The following ARSI variants were observed in gnomAD, a reference collection of about 807,000 sequenced individuals.
ARSI encodes arylsulfatase I.
Under a neutral mutation model 42.1 loss-of-function variants are expected in ARSI, and 37 were observed. That is an observed-to-expected ratio of 0.88 (90% CI 0.68 to 1.16). The LOEUF is 1.16. ARSI is among the 50% of genes most tolerant of loss of function. The pLI, the probability that ARSI is intolerant of heterozygous loss-of-function variation, is 0.00. For synonymous variants in ARSI, 305 were observed against 320.3 expected (o/e 0.95, Z 0.51); for missense variants, 725 against 790.1 (o/e 0.92, Z 0.99).
intron 1 of ARSI, among the ~76,000 whole-genome samples, chr5:150,299,152 C>T (rs1757876725): frequency 6.6e-6 from 1 of 152,196 alleles, no homozygotes; most frequent in African/African-American, 2.4e-5. Context: ...AGCAGTCTGG[C>T]TCCAGACTTC....
Position 150,298,581 on chromosome 5 carries a change from TG to T in ARSI, c.342del (p.Ile115SerfsTer15), listed in dbSNP as rs756394478. Reference protein sequence around the residue: ...RYQIHTGLQHSIIRPQQPNCL... With the variant: ...RYQIHTGLQHXIIRPQQPNCL... ...CAGTTGGGCTGCTGTGGGCGGATGA[TG>T]GAATGCTGGAGTCCTGTGTGGATCT... On this transcript the variant is annotated frameshift_variant, in exon 2 of 2. Transcript: ENST00000328668. LOFTEE classifies it low-confidence loss of function (END_TRUNC). The T allele has an allele frequency of 1.6e-5, 26 of 1,612,376 alleles. No homozygotes were observed. Among genetic ancestry groups the T allele is most frequent in the Non-Finnish European group, 2.2e-5 (26 of 1,179,000 alleles).
Position 150,297,513 on chromosome 5 carries a change from G to C in ARSI, c.1411C>G (p.Pro471Ala). The change falls in exon 2 of 2, where the codon CCT (proline) becomes GCT (alanine). Residue 471 changes from proline (P) to alanine (A), a missense_variant. Coordinates refer to ENST00000328668, the MANE Select transcript of ARSI (RefSeq NM_001012301.4). This position sits in a 1 kb window ranked among gnomAD's most constrained non-coding sequence, Gnocchi z 7.0. Reference sequence around the variant, plus strand: ...CCAGCCAGGTCCTCCCGTTCATAAGGGTCAGCACTGATGTTGAAGAGCCAC... The same window carrying C: ...CCAGCCAGGTCCTCCCGTTCATAAGCGTCAGCACTGATGTTGAAGAGCCAC... ...AVWLFNISAD[P>A]YEREDLAGQR... 3 of 1,613,844 alleles carry C rather than the reference G, an allele frequency of 1.9e-6. No individual in the cohort carries two copies. Among genetic ancestry groups the C allele is most frequent in the Non-Finnish European group, 2.5e-6 (3 of 1,179,930 alleles).
Position 150,297,589 on chromosome 5 carries a change from G to A in ARSI, c.1335C>T (p.Phe445=), listed in dbSNP as rs1279268721. 144 of 1,610,546 alleles carry A rather than the reference G, an allele frequency of 8.9e-5. No individual in the cohort carries two copies. The highest frequency in any genetic ancestry group is 1.2e-4 in the Non-Finnish European group (143 of 1,178,764). Residue 445 remains phenylalanine, a synonymous_variant, in exon 2 of 2, where the codon TTC becomes TTT. Coordinates refer to ENST00000328668, the MANE Select transcript of ARSI (RefSeq NM_001012301.4). This position sits in a 1 kb window ranked among gnomAD's most constrained non-coding sequence, Gnocchi z 7.0. ...DWIPPQTLAT[F]PGSWWNLERM... ...GTTCCAGGTTCCACCAGCTACCCGGGAAGGTGGCCAGTGTCTGCGGTGGGA... is the reference window on the plus strand; with the variant it reads ...GTTCCAGGTTCCACCAGCTACCCGGAAAGGTGGCCAGTGTCTGCGGTGGGA...
rs767204580 is a variant in ARSI, at chr5:150,298,312, G to A, written c.612C>T (p.Ser204=). 26 of 1,613,518 alleles carry A rather than the reference G, an allele frequency of 1.6e-5. No homozygotes were observed. The highest frequency in any genetic ancestry group is 6.7e-5 in the East Asian group (3 of 44,872). ...HEGENVAWGL[S]GQYSTMLYAQ... ...CATAAAGCATAGTGGAGTACTGGCC[G>A]CTGAGCCCCCAGGCCACATTCTCAC... The change falls in exon 2 of 2, where the codon AGC becomes AGT. Residue 204 remains serine (S), a synonymous_variant. Transcript: ENST00000328668.
rs1274285783 is a variant in ARSI at position 150,297,694 on chromosome 5, G to C, written c.1230C>G (p.Ile410Met). Residue 410 changes from isoleucine to methionine, a missense_variant, in exon 2 of 2, where the codon ATC (isoleucine) becomes ATG (methionine). Coordinates refer to ENST00000328668, the MANE Select transcript of ARSI (RefSeq NM_001012301.4). The surrounding 1 kb of genome is among the most constrained non-coding windows in gnomAD (Gnocchi z 7.0). ...QHGSLEGGFGIWNTAVQAAIR... is the reference protein window; with the variant it reads ...QHGSLEGGFGMWNTAVQAAIR... ...TGGCAGCCTGCACGGCGGTGTTCCA[G>C]ATGCCAAAGCCGCCCTCCAGGGAGC... 1.2e-6 allele frequency: 2 copies of C among 1,613,458 alleles called. No homozygotes were observed. Among genetic ancestry groups the C allele is most frequent in the East Asian group, 4.5e-5 (2 of 44,876 alleles).
chr5:150,298,060 G>T lies in ARSI; in HGVS notation c.864C>A (p.Asn288Lys), dbSNP rs1364431678. Residue 288 changes from asparagine to lysine, a missense_variant, in exon 2 of 2, where the codon AAC becomes AAA. Asn to Lys is a moderately conservative substitution (Grantham distance 94). Transcript: ENST00000328668. ...CACTGGAGAAGATGATGACACTGTT[G>T]TTGTAGAAACCGTAGCGCTTGAGGG... ...TWALKRYGFY[N>K]NSVIIFSSDN... 1 of 1,613,016 alleles carries T rather than the reference G, an allele frequency of 6.2e-7. No homozygotes were observed. Among genetic ancestry groups the T allele is most frequent in the Admixed American group, 1.7e-5 (1 of 60,022 alleles).
In ARSI at chr5:150,297,253, G is replaced by A. The variant is rs1416972811; in HGVS notation, c.1671C>T (p.Phe557=). 1.9e-6 allele frequency: 3 copies of A among 1,591,186 alleles called. No individual in the cohort carries two copies. Among genetic ancestry groups the A allele is most frequent in the Non-Finnish European group, 8.5e-7 (1 of 1,170,056 alleles). ...ACATTAGCCTGGTGTTGAGTTTACG[G>A]AAAAAGGATCGAAGCTTGCAAATCT... The part of the protein sequence containing the change: ...KCKICKLRSF[F]RKLNTRLMSQ... The change falls in exon 2 of 2, where the codon TTC becomes TTT. Residue 557 remains phenylalanine (F), a synonymous_variant. Transcript: ENST00000328668. The surrounding 1 kb of genome is among the most constrained non-coding windows in gnomAD (Gnocchi z 7.0).
In ARSI at chr5:150,298,057, G is replaced by A. The variant is rs776993409; in HGVS notation, c.867C>T (p.Asn289=). Residue 289 remains asparagine (N), a synonymous_variant, in exon 2 of 2, where the codon AAC becomes AAT. Coordinates refer to ENST00000328668, the MANE Select transcript of ARSI (RefSeq NM_001012301.4). ...TGTCACTGGAGAAGATGATGACACT[G>A]TTGTTGTAGAAACCGTAGCGCTTGA... The part of the protein sequence containing the change: ...WALKRYGFYN[N]SVIIFSSDNG... 9.3e-6 allele frequency: 15 copies of A among 1,612,848 alleles called. No individual in the cohort carries two copies. The Admixed American group carries it at 1.3e-4, about 14-fold the overall frequency.
chr5:150,298,550 G>T lies in ARSI; in HGVS notation c.374C>A (p.Pro125His), dbSNP rs1373896759. ...IIRPQQPNCL[P>H]LDQVTLPQKL... ...CTGTGGCAGTGTCACCTGGTCCAGG[G>T]GCAGGCAGTTGGGCTGCTGTGGGCG... Residue 125 changes from proline to histidine, a missense_variant, in exon 2 of 2, where the codon CCC (proline) becomes CAC (histidine). Pro to His is a moderately conservative substitution (Grantham distance 77). Coordinates refer to ENST00000328668, the MANE Select transcript of ARSI (RefSeq NM_001012301.4). The T allele has an allele frequency of 1.2e-5, 20 of 1,613,948 alleles. No individual in the cohort carries two copies. The highest frequency in any genetic ancestry group is 1.7e-5 in the Non-Finnish European group (20 of 1,179,948).
In ARSI at chr5:150,297,928, G is replaced by A. The variant is rs1436784281; in HGVS notation, c.996C>T (p.Pro332=). 3 of 1,611,560 alleles carry A rather than the reference G, an allele frequency of 1.9e-6. No individual in the cohort carries two copies. The highest frequency in any genetic ancestry group is 2.5e-6 in the Non-Finnish European group (3 of 1,179,016). The part of the protein sequence containing the change: ...GVRGLGFVHS[P]LLKRKQRTSR... ...TTGTCCGTTGCTTTCGCTTGAGCAG[G>A]GGACTGTGGACAAAGCCTAGGCCCC... The change falls in exon 2 of 2, where the codon CCC becomes CCT. Residue 332 remains proline (P), a synonymous_variant. Transcript: ENST00000328668. The surrounding 1 kb of genome is among the most constrained non-coding windows in gnomAD (Gnocchi z 7.0).
chr5:150,302,211 C>T lies in ARSI; in HGVS notation c.163G>A (p.Asp55Asn), dbSNP rs546197925. 1.2e-6 allele frequency: 2 copies of T among 1,613,862 alleles called. No individual in the cohort carries two copies. Among genetic ancestry groups the T allele is most frequent in the Admixed American group, 1.7e-5 (1 of 60,016 alleles). The change falls in exon 1 of 2, where the codon GAC becomes AAC. Residue 55 changes from aspartate to asparagine, a missense_variant. By Grantham distance (23) the Asp-to-Asn change is conservative. Transcript: ENST00000328668. The surrounding 1 kb of genome is among the most constrained non-coding windows in gnomAD (Gnocchi z 6.1). ...QPPHIIFILTDDQGYHDVGYH... is the reference protein window; with the variant it reads ...QPPHIIFILTNDQGYHDVGYH... ...CCCACGTCGTGGTAGCCTTGGTCGTCCGTGAGGATGAAGATGATGTGGGGA... is the reference window on the plus strand; with the variant it reads ...CCCACGTCGTGGTAGCCTTGGTCGTTCGTGAGGATGAAGATGATGTGGGGA...
At chr5:150,299,860 CA>C (rs1757891051) in intron 1 of ARSI, among the ~76,000 whole-genome samples, 2 of 152,188 alleles carry the variant, frequency 1.3e-5, no homozygotes, top group Non-Finnish European at 2.9e-5. Flanking sequence ...TCCAGGCTAT[CA>C]CCCTGAGGCA....
chr5:150,301,491 G>T (rs1247524868), intron 1 of ARSI, among the ~76,000 whole-genome samples: 1 of 152,144 alleles, frequency 6.6e-6, no homozygotes, highest in African/African-American at 2.4e-5. Flanking sequence ...GGCTACACAG[G>T]TCATGGTATC....
At position 150,298,541 on chromosome 5, in the gene ARSI, T is replaced by C. The variant is rs1757864872; in HGVS notation, c.383A>G (p.Gln128Arg). The stretch of plus-strand genomic sequence containing the variant: ...CTGCAGCTTCTGTGGCAGTGTCACC[T>C]GGTCCAGGGGCAGGCAGTTGGGCTG... ...PQQPNCLPLDQVTLPQKLQEA... is the reference protein window; with the variant it reads ...PQQPNCLPLDRVTLPQKLQEA... Residue 128 changes from glutamine (Q) to arginine (R), a missense_variant, in exon 2 of 2, where the codon CAG becomes CGG. Coordinates refer to ENST00000328668, the MANE Select transcript of ARSI (RefSeq NM_001012301.4). 6.2e-7 allele frequency: 1 copy of C among 1,614,168 alleles called. No homozygotes were observed. The highest frequency in any genetic ancestry group is 8.5e-7 in the Non-Finnish European group (1 of 1,180,002).
rs746503472 is a variant in ARSI at position 150,298,463 on chromosome 5, C to A, written c.461G>T (p.Arg154Leu). ...MVGKWHLGFY[R>L]KECLPTRRGF... Reference sequence around the variant, plus strand: ...CCGACGGGTGGGCAGACACTCCTTCCGGTAGAAGCCCAGGTGCCACTTGCC... The same window carrying A: ...CCGACGGGTGGGCAGACACTCCTTCAGGTAGAAGCCCAGGTGCCACTTGCC... Residue 154 changes from arginine (R) to leucine (L), a missense_variant, in exon 2 of 2, where the codon CGG (arginine) becomes CTG (leucine). Arg to Leu is a moderately radical substitution (Grantham distance 102). Transcript: ENST00000328668. 2 of 1,614,206 alleles carry A rather than the reference C, an allele frequency of 1.2e-6. No homozygotes were observed. The highest frequency in any genetic ancestry group is 8.5e-7 in the Non-Finnish European group (1 of 1,180,050).
At position 150,298,613 on chromosome 5, in the gene ARSI, C is replaced by G; in HGVS notation, c.312-1G>C. 11 of 1,598,506 alleles carry G rather than the reference C, an allele frequency of 6.9e-6. No homozygotes were observed. The highest frequency in any genetic ancestry group is 9.4e-6 in the Non-Finnish European group (11 of 1,170,524). On this transcript the variant is annotated splice_acceptor_variant, in intron 1 of 1. Transcript: ENST00000328668. LOFTEE classifies it high-confidence loss of function. ...CTGGAGTCCTGTGTGGATCTGGTAC[C>G]TGGTGGGGAGGAGGGGAAGGCACAG...
In ARSI at chr5:150,297,472, C is replaced by A; in HGVS notation, c.1452G>T (p.Val484=). 2 of 1,613,272 alleles carry A rather than the reference C, an allele frequency of 1.2e-6. No homozygotes were observed. The highest frequency in any genetic ancestry group is 1.3e-5 in the African/African-American group (1 of 75,052). ...REDLAGQRPD[V]VRTLLARLAE... is the part of the protein sequence containing the mutation. ...CCAGGCGAGCCAGCAGGGTGCGGAC[C>A]ACATCAGGCCGCTGGCCAGCCAGGT... Residue 484 remains valine, a synonymous_variant, in exon 2 of 2, where the codon GTG becomes GTT. Coordinates refer to ENST00000328668, the MANE Select transcript of ARSI (RefSeq NM_001012301.4). The surrounding 1 kb of genome is among the most constrained non-coding windows in gnomAD (Gnocchi z 7.0).
Position 150,297,375 on chromosome 5 carries a change from C to T in ARSI, c.1549G>A (p.Gly517Arg). The part of the protein sequence containing the change: ...ENPRAHPDFN[G>R]GAWGPWASDE... ...CTGGCCCAGGGCCCCCAAGCACCCCCATTAAAGTCAGGATGAGCCCGGGGG... is the reference window on the plus strand; with the variant it reads ...CTGGCCCAGGGCCCCCAAGCACCCCTATTAAAGTCAGGATGAGCCCGGGGG... The change falls in exon 2 of 2, where the codon GGG becomes AGG. Residue 517 changes from glycine to arginine, a missense_variant. Transcript: ENST00000328668. This position sits in a 1 kb window ranked among gnomAD's most constrained non-coding sequence, Gnocchi z 7.0. The T allele has an allele frequency of 1.9e-6, 3 of 1,611,394 alleles. No homozygotes were observed. The highest frequency in any genetic ancestry group is 2.5e-6 in the Non-Finnish European group (3 of 1,178,740).
chr5:150,298,698 G>C, intron 1 of ARSI, 86 bp from the exon 2 acceptor site: 1 of 1,294,816 alleles, frequency 7.7e-7, no homozygotes, highest in Non-Finnish European at 1.1e-6. Flanking sequence ...ACCACTGTGA[G>C]GTGGGCTGTG....
Sources: allele counts gnomAD v4.1 joint callset (sites outside exome capture counted in the v4.1 genomes callset), GRCh38; gene constraint gnomAD v4.1.1; non-coding constraint Gnocchi (gnomAD v3.1); transcripts MANE v1.5; gene names NCBI Gene and HGNC (gene_info 2026-07-23, HGNC 2026-07-21).